Variants in PTPRM observed in about 807,000 individuals in gnomAD.
The protein encoded by PTPRM is protein tyrosine phosphatase receptor type M.
A neutral mutation model predicts 186.7 loss-of-function variants in PTPRM; 47 were observed. That is an observed-to-expected ratio of 0.25 (90% CI 0.20 to 0.32). PTPRM has a LOEUF of 0.32. Ranked by LOEUF, PTPRM falls within the 10% of genes least tolerant of loss-of-function variation. The pLI, the probability that PTPRM is intolerant of heterozygous loss-of-function variation, is 1.00. For synonymous variants in PTPRM, 668 were observed against 674.9 expected (o/e 0.99, Z 0.16); for missense variants, 1,494 against 1,865.0 (o/e 0.80, Z 3.66).
chr18:8,261,658 T>C (rs941015599), intron 19 of PTPRM, among the ~76,000 whole-genome samples: 6 of 152,226 alleles, frequency 3.9e-5, no homozygotes, highest in African/African-American at 1.4e-4. Context: ...TAATTTTTTA[T>C]ACAGTTTTCG....
At chr18:8,373,425 A>T (rs1314821100) in intron 24 of PTPRM, among the ~76,000 whole-genome samples, 1 of 152,230 alleles carries the variant, frequency 6.6e-6, no homozygotes, top group African/African-American at 2.4e-5. Context: ...TCCAAGCTAA[A>T]CAGATTTTAA....
chr18:8,337,558 C>T (rs1012591081), intron 22 of PTPRM, among the ~76,000 whole-genome samples: 4 of 152,300 alleles, frequency 2.6e-5, no homozygotes, highest in East Asian at 3.9e-4. Flanking sequence ...GTGGTATAAA[C>T]GAACAAAGCA....
At chr18:8,100,044 C>G (rs149743935) in intron 11 of PTPRM, among the ~76,000 whole-genome samples, 144 of 152,178 alleles carry the variant, frequency 9.5e-4, no homozygotes, top group Middle Eastern at 3.4e-3. Context: ...CCACTTAAGA[C>G]CATGGCGGAA....
chr18:7,793,179 T>C (rs2043431397), intron 2 of PTPRM, among the ~76,000 whole-genome samples: 1 of 152,184 alleles, frequency 6.6e-6, no homozygotes, highest in African/African-American at 2.4e-5. Flanking sequence ...TTTCTAGTTA[T>C]GTTCTGTCAT....
intron 1 of PTPRM, among the ~76,000 whole-genome samples, chr18:7,650,198 A>G (rs2144266324): frequency 6.6e-6 from 1 of 152,226 alleles, no homozygotes; most frequent in Non-Finnish European, 1.5e-5. Context: ...CGGCATTCGT[A>G]GGTTTTCATA....
At chr18:7,762,015 T>G (rs1019572451) in intron 1 of PTPRM, among the ~76,000 whole-genome samples, 2 of 152,148 alleles carry the variant, frequency 1.3e-5, no homozygotes, top group Non-Finnish European at 2.9e-5. Flanking sequence ...TTTACAACAT[T>G]CTGTTAAATC....
At chr18:7,906,855 A>G (rs1272840669) in intron 4 of PTPRM, among the ~76,000 whole-genome samples, 2 of 152,190 alleles carry the variant, frequency 1.3e-5, no homozygotes, top group Admixed American at 1.3e-4. Flanking sequence ...GAACCTGTTT[A>G]TTTGTTGCCG....
chr18:7,771,724 T>C (rs923032122), intron 1 of PTPRM, among the ~76,000 whole-genome samples: 1 of 152,226 alleles, frequency 6.6e-6, no homozygotes, highest in Non-Finnish European at 1.5e-5. Context: ...GGCTCCTTGA[T>C]GCTATCCTGT....
chr18:8,267,712 C>A (rs962350072), intron 19 of PTPRM, among the ~76,000 whole-genome samples: 1 of 152,194 alleles, frequency 6.6e-6, no homozygotes, highest in Admixed American at 6.5e-5. Context: ...CCTGTTTTGA[C>A]AACCTGTTTT....
At chr18:7,990,589 C>T (rs1411104769) in intron 7 of PTPRM, among the ~76,000 whole-genome samples, 1 of 152,048 alleles carries the variant, frequency 6.6e-6, no homozygotes, top group East Asian at 1.9e-4. Flanking sequence ...TTTTATGATT[C>T]AGGAGTTCTT....
chr18:8,143,888 C>A, intron 14 of PTPRM, 109 bp downstream of exon 14: 1 of 1,325,740 alleles, frequency 7.5e-7, no homozygotes, highest in Non-Finnish European at 1.1e-6. Context: ...AACCCAGACA[C>A]ATCTGTGACT....
intron 2 of PTPRM, among the ~76,000 whole-genome samples, chr18:7,798,983 T>C (rs2043815355): frequency 6.6e-6 from 1 of 152,246 alleles, no homozygotes; most frequent in African/African-American, 2.4e-5. Context: ...TGTTTTGATA[T>C]CTGCTAGACC....
chr18:8,193,640 G>C (rs891005795), intron 14 of PTPRM, among the ~76,000 whole-genome samples: 4 of 152,228 alleles, frequency 2.6e-5, no homozygotes, highest in African/African-American at 9.6e-5. Context: ...GTGGAGCAGA[G>C]AGCAGAACAC....
chr18:7,884,774 A>G (rs2048686176), intron 2 of PTPRM, among the ~76,000 whole-genome samples: 1 of 151,862 alleles, frequency 6.6e-6, no homozygotes, highest in African/African-American at 2.4e-5. Flanking sequence ...AATACAAAAA[A>G]TTAGCCAGGG....
intron 27 of PTPRM, 75 bp downstream of exon 27, chr18:8,378,489 T>G: frequency 6.5e-7 from 1 of 1,529,718 alleles, no homozygotes; most frequent in East Asian, 2.3e-5. Context: ...AGCACCTGAG[T>G]GAGCCCTTGA....
chr18:8,343,779 A>G (rs2095488318), intron 23 of PTPRM, among the ~76,000 whole-genome samples: 1 of 152,258 alleles, frequency 6.6e-6, no homozygotes, highest in Non-Finnish European at 1.5e-5. Flanking sequence ...TATTGAGAGC[A>G]CAAAAATACC....
intron 1 of PTPRM, among the ~76,000 whole-genome samples, chr18:7,625,607 T>C (rs981126824): frequency 7.9e-5 from 12 of 152,178 alleles, no homozygotes; most frequent in South Asian, 2.1e-4. Context: ...TGATCTCGGC[T>C]CACTGCAACC....
chr18:7,850,645 T>G (rs763752588), intron 2 of PTPRM, among the ~76,000 whole-genome samples: 1 of 152,200 alleles, frequency 6.6e-6, no homozygotes, highest in Non-Finnish European at 1.5e-5. Context: ...AGAGTGAATC[T>G]GAGAAGTGAT....
At chr18:7,572,118 T>C (rs2036579165) in intron 1 of PTPRM, among the ~76,000 whole-genome samples, 1 of 152,198 alleles carries the variant, frequency 6.6e-6, no homozygotes, top group South Asian at 2.1e-4. Context: ...GTTCTGTATA[T>C]GTAAAGAAGA....
Sources: gnomAD v4.1 joint callset for allele counts (sites outside exome capture counted in the v4.1 genomes callset) on GRCh38, gnomAD v4.1.1 for gene constraint, MANE v1.5 for transcripts, NCBI Gene and HGNC (gene_info 2026-07-23, HGNC 2026-07-21) for gene names.